MUC13: variants seen among roughly 807,000 people sequenced by gnomAD.
MUC13 encodes mucin 13, cell surface associated.
Under a neutral mutation model 48.3 loss-of-function variants are expected in MUC13, and 32 were observed. The observed-to-expected ratio is 0.66, with a 90% confidence interval of 0.50 to 0.89. The LOEUF is 0.89. MUC13 is among the 40% of genes least tolerant of loss of function. The probability of loss-of-function intolerance (pLI) is 0.00; values close to 1 mark genes in which losing one functional copy is unlikely to be tolerated. For missense variants in MUC13, 571 were observed against 622.8 expected (o/e 0.92, Z 0.88); for synonymous variants, 199 against 224.9 (o/e 0.88, Z 1.03).
chr3:124,916,705 T>C (rs1935517611), intron 5 of MUC13, among the ~76,000 whole-genome samples: 1 of 152,172 alleles, frequency 6.6e-6, no homozygotes, highest in Non-Finnish European at 1.5e-5. Context: ...GTGAAAACAA[T>C]GTTCTGTTGG....
intron 4 of MUC13, 120 bp downstream of exon 4, chr3:124,922,077 C>A: frequency 1.7e-6 from 2 of 1,203,774 alleles, no homozygotes; most frequent in Non-Finnish European, 2.3e-6. Context: ...GTACATTTCA[C>A]TGTTTGAACA....
At position 124,923,587 on chromosome 3, in the gene MUC13, T is replaced by G. The variant is rs1205872012; in HGVS notation, c.577A>C (p.Asn193His). The G allele has an allele frequency of 1.5e-5, 24 of 1,613,944 alleles. No individual in the cohort carries two copies. The highest frequency in any genetic ancestry group is 1.9e-5 in the Non-Finnish European group (23 of 1,179,942). ...TCTAAACACAGGCAAAAACTTGTAT[T>G]ATGCAGCTTAACACATAACGAATTA... The part of the protein sequence containing the change: ...ADNSLCVKLH[N>H]TSFCLCLEGY... The change falls in exon 3 of 12, where the codon AAT (asparagine) becomes CAT (histidine). Residue 193 changes from asparagine (N) to histidine (H), a missense_variant. Transcript: ENST00000616727.
Position 124,908,351 on chromosome 3 carries a change from GT to G in MUC13, c.1338-4del, listed in dbSNP as rs1559996052. ...TATGCTTCGTTTTGTTATTTGATCT[GT>G]AATCAGTAAGAGGAATTAGGATTTG... On this transcript the variant is annotated splice_region_variant and splice_polypyrimidine_tract_variant and intron_variant, in intron 10 of 11. Coordinates refer to ENST00000616727, the MANE Select transcript of MUC13 (RefSeq NM_033049.4). 6.2e-7 allele frequency: 1 copy of G among 1,612,348 alleles called. No individual in the cohort carries two copies. Among genetic ancestry groups the G allele is most frequent in the Non-Finnish European group, 8.5e-7 (1 of 1,178,490 alleles).
At chr3:124,908,391 G>A in intron 10 of MUC13, 43 bp from the exon 11 acceptor site, 2 of 1,434,070 alleles carry the variant, frequency 1.4e-6, no homozygotes, top group South Asian at 2.4e-5. Context: ...ATGGCAGAAA[G>A]TTTCTTGAAG....
intron 2 of MUC13, 28 bp from the exon 3 acceptor site, chr3:124,923,677 A>G: frequency 6.2e-7 from 1 of 1,602,760 alleles, no homozygotes; most frequent in Non-Finnish European, 8.5e-7. Context: ...GAGATTAGAA[A>G]TCCAGAGAAA....
chr3:124,932,561 G>A (rs1373540273), intron 1 of MUC13, among the ~76,000 whole-genome samples: 3 of 150,622 alleles, frequency 2.0e-5, no homozygotes, highest in African/African-American at 2.4e-5. Context: ...AGTGAAACTC[G>A]GTCTCAAAAA....
At chr3:124,928,489 C>T (rs1423415591) in intron 1 of MUC13, among the ~76,000 whole-genome samples, 2 of 152,124 alleles carry the variant, frequency 1.3e-5, no homozygotes, top group Admixed American at 1.3e-4. Flanking sequence ...AGCAATCCTC[C>T]CACCTCAGCC....
rs142060793 is a variant in MUC13, at chr3:124,910,464, C to A, written c.1288G>T (p.Ala430Ser). ...QLILTIVGTI[A>S]GIVILSMIIA... ...ATCATGCTGAGAATGACAATGCCAG[C>A]GATGGTGCCCACAATAGTGAGGATC... is the stretch of plus-strand genomic sequence containing the variant. Residue 430 changes from alanine to serine, a missense_variant, in exon 10 of 12, where the codon GCT becomes TCT. Physicochemically the swap from Ala to Ser is moderately conservative, Grantham distance 99. Transcript: ENST00000616727. The A allele has an allele frequency of 3.7e-6, 6 of 1,613,954 alleles. No individual in the cohort carries two copies. Among genetic ancestry groups the A allele is most frequent in the East Asian group, 2.2e-5 (1 of 44,890 alleles).
At chr3:124,919,299 T>G (rs1004972294) in intron 5 of MUC13, among the ~76,000 whole-genome samples, 1 of 140,556 alleles carries the variant, frequency 7.1e-6, no homozygotes, top group African/African-American at 2.7e-5. Flanking sequence ...ATCACACCAA[T>G]GCACTCCAGC....
At chr3:124,924,489 C>T (rs1935656553) in intron 2 of MUC13, among the ~76,000 whole-genome samples, 1 of 152,204 alleles carries the variant, frequency 6.6e-6, no homozygotes, top group African/African-American at 2.4e-5. Flanking sequence ...ACCTTCAGAG[C>T]TGTCTTGAGA....
chr3:124,913,696 T>A lies in MUC13; in HGVS notation c.965-15A>T. Reference sequence around the variant, plus strand: ...CCGAAGGGTCACTGAGAAGCACAAATAGTTTAAAAATATATTCAGCATGAC... The same window carrying A: ...CCGAAGGGTCACTGAGAAGCACAAAAAGTTTAAAAATATATTCAGCATGAC... On this transcript the variant is annotated splice_polypyrimidine_tract_variant and intron_variant, in intron 6 of 11. Transcript: ENST00000616727. 6.2e-7 allele frequency: 1 copy of A among 1,613,966 alleles called. No homozygotes were observed. The highest frequency in any genetic ancestry group is 1.1e-5 in the South Asian group (1 of 91,058).
At chr3:124,932,617 T>C (rs1188169963) in intron 1 of MUC13, among the ~76,000 whole-genome samples, 2 of 151,580 alleles carry the variant, frequency 1.3e-5, no homozygotes, top group Non-Finnish European at 2.9e-5. Context: ...AGTGCAGACA[T>C]GACAAAAAGG....
intron 4 of MUC13, among the ~76,000 whole-genome samples, chr3:124,921,430 C>T (rs1049793842): frequency 2.0e-5 from 3 of 152,166 alleles, no homozygotes; most frequent in Non-Finnish European, 4.4e-5. Flanking sequence ...GGATTACGGA[C>T]ATGAGCCACC....
chr3:124,911,703 AT>A (rs1160182155), intron 9 of MUC13, among the ~76,000 whole-genome samples: 2 of 152,222 alleles, frequency 1.3e-5, no homozygotes, highest in Non-Finnish European at 2.9e-5. Flanking sequence ...GGATTTGAGT[AT>A]TTAAATGTCT....
At chr3:124,919,309 C>G (rs1450166744) in intron 5 of MUC13, among the ~76,000 whole-genome samples, 1 of 148,526 alleles carries the variant, frequency 6.7e-6, no homozygotes, top group African/African-American at 2.5e-5. Context: ...TGCACTCCAG[C>G]CTGCATGACA....
chr3:124,927,549 C>T lies in MUC13; in HGVS notation c.497G>A (p.Ser166Asn), dbSNP rs767043556. The T allele has an allele frequency of 1.2e-6, 2 of 1,614,090 alleles. No homozygotes were observed. Among genetic ancestry groups the T allele is most frequent in the Middle Eastern group, 1.7e-4 (1 of 6,056 alleles). The change falls in exon 2 of 12, where the codon AGC becomes AAC. Residue 166 changes from serine to asparagine, a missense_variant. Transcript: ENST00000616727. Reference protein sequence around the residue: ...PPTGTALLETSTLNSTGPSNP... With the variant: ...PPTGTALLETNTLNSTGPSNP... ...GTCCTTACCTGTGCTGTTTAGGGTGCTGGTCTCCAATAAAGCGGTGCCAGT... is the reference window on the plus strand; with the variant it reads ...GTCCTTACCTGTGCTGTTTAGGGTGTTGGTCTCCAATAAAGCGGTGCCAGT...
In MUC13 at chr3:124,933,203, C is replaced by T. The variant is rs543231139; in HGVS notation, c.52+1458G>A. ...TCCTGATGCCATTCATTCCAGTTCT[C>T]TGAAAGGGCTTAATTTCTCTTCATA... On this transcript the variant is annotated intron_variant, in intron 1 of 11. Coordinates refer to ENST00000616727, the MANE Select transcript of MUC13 (RefSeq NM_033049.4). Among the ~76,000 whole-genome samples the T allele has an allele frequency of 9.8e-5, 15 of 152,288 alleles. No individual in the cohort carries two copies. In the East Asian group the frequency reaches 2.7e-3, roughly 27 times the overall value.
intron 6 of MUC13, among the ~76,000 whole-genome samples, chr3:124,915,251 A>T (rs1324743628): frequency 6.6e-6 from 1 of 152,188 alleles, no homozygotes; most frequent in Admixed American, 6.5e-5. Context: ...TGCAGTCATG[A>T]CATCAATTTA....
intron 11 of MUC13, among the ~76,000 whole-genome samples, chr3:124,907,764 A>G (rs1463770088): frequency 6.6e-6 from 1 of 152,178 alleles, no homozygotes; most frequent in Non-Finnish European, 1.5e-5. Context: ...CTATGTTTAC[A>G]TCCAGTGTCC....
Sources: allele counts gnomAD v4.1 joint callset (sites outside exome capture counted in the v4.1 genomes callset), GRCh38; gene constraint gnomAD v4.1.1; transcripts MANE v1.5; gene names NCBI Gene and HGNC (gene_info 2026-07-23, HGNC 2026-07-21).